SRRT: variants seen among roughly 807,000 people sequenced by gnomAD.
The protein encoded by SRRT is serrate RNA effector molecule homolog.
SRRT carries 32 observed loss-of-function variants against 103.2 expected under a neutral mutation model. That is an observed-to-expected ratio of 0.31 (90% confidence interval 0.23 to 0.42). The LOEUF is 0.42. Ranked by LOEUF, SRRT falls within the 10% of genes least tolerant of loss-of-function variation. The probability of loss-of-function intolerance (pLI) is 1.00; values close to 1 mark genes in which losing one functional copy is unlikely to be tolerated. For synonymous variants in SRRT, 525 were observed against 449.0 expected (o/e 1.17, Z -2.14); for missense variants, 986 against 1,207.5 (o/e 0.82, Z 2.72).
Position 100,884,732 on chromosome 7 carries a change from T to TA in SRRT, c.943-7dup. The TA allele has an allele frequency of 6.2e-7, 1 of 1,613,450 alleles. No individual in the cohort carries two copies. Among genetic ancestry groups the TA allele is most frequent in the Non-Finnish European group, 8.5e-7 (1 of 1,179,564 alleles). On this transcript the variant is annotated splice_polypyrimidine_tract_variant and splice_region_variant and intron_variant, in intron 7 of 19. Transcript: ENST00000611405. ...TTTGACATCCCCAGTGGTTGTCTCT[T>TA]ACCATAGGCTGAGAATGACAGTTCT... is the stretch of plus-strand genomic sequence containing the variant.
At chr7:100,883,941 C>G (rs1257479684) in intron 5 of SRRT, 129 bp from the exon 6 acceptor site, 1 of 1,037,644 alleles carries the variant, frequency 9.6e-7, no homozygotes, top group East Asian at 2.6e-5. Flanking sequence ...CTTAATCTCT[C>G]TATTTTGATG....
At position 100,887,030 on chromosome 7, in the gene SRRT, G is replaced by C. The variant is rs370051555; in HGVS notation, c.1822-17G>C. On this transcript the variant is annotated splice_polypyrimidine_tract_variant and intron_variant, in intron 14 of 19. Coordinates refer to ENST00000611405, the MANE Select transcript of SRRT (RefSeq NM_015908.6). This position sits in a 1 kb window ranked among gnomAD's most constrained non-coding sequence, Gnocchi z 4.1. Reference sequence around the variant, plus strand: ...CGGTGAGGGCAGGAGCTGAACGCTCGCATTCACTTCCCTTAGGTCTTGGAC... The same window carrying C: ...CGGTGAGGGCAGGAGCTGAACGCTCCCATTCACTTCCCTTAGGTCTTGGAC... 3.7e-5 allele frequency: 59 copies of C among 1,613,250 alleles called. No individual in the cohort carries two copies. In the African/African-American group the frequency reaches 7.2e-4, roughly 20 times the overall value.
chr7:100,877,579 T>TG (rs1815870612), intron 2 of SRRT, among the ~76,000 whole-genome samples: 1 of 151,448 alleles, frequency 6.6e-6, no homozygotes, highest in African/African-American at 2.4e-5. Context: ...TGGAGTGCAG[T>TG]GGGGCGATCT....
intron 2 of SRRT, among the ~76,000 whole-genome samples, chr7:100,878,309 CAA>C (rs796835566): frequency 6.6e-5 from 8 of 121,654 alleles, no homozygotes; most frequent in Admixed American, 8.4e-5. Context: ...GATACCCTGT[CAA>C]AAAAAAAAAA....
intron 6 of SRRT, 30 bp downstream of exon 6, chr7:100,884,269 C>A: frequency 6.2e-7 from 1 of 1,613,872 alleles, no homozygotes; most frequent in Non-Finnish European, 8.5e-7. Flanking sequence ...TGGCAGGCAT[C>A]TGGGCCCCAT....
chr7:100,882,044 C>G lies in SRRT; in HGVS notation c.399-9C>G. ...AAAACCAAGCCTTCCTGACCGGGGT[C>G]CCCTCCAGGCTGGGCAGCATTGCAG... is the stretch of plus-strand genomic sequence containing the variant. On this transcript the variant is annotated splice_polypyrimidine_tract_variant and intron_variant, in intron 4 of 19. Transcript: ENST00000611405. This position sits in a 1 kb window ranked among gnomAD's most constrained non-coding sequence, Gnocchi z 4.2. 1 of 1,608,308 alleles carries G rather than the reference C, an allele frequency of 6.2e-7. No homozygotes were observed. Among genetic ancestry groups the G allele is most frequent in the Non-Finnish European group, 8.5e-7 (1 of 1,177,462 alleles).
rs1384112887 is a variant in SRRT at position 100,887,834 on chromosome 7, A to T, written c.2301A>T (p.Pro767=). ...GCCCAGCTCTGCCTGAGATCAAGCCAGCCCAGCCACCTGGCCCCGCCCAGA... is the reference window on the plus strand; with the variant it reads ...GCCCAGCTCTGCCTGAGATCAAGCCTGCCCAGCCACCTGGCCCCGCCCAGA... The part of the protein sequence containing the change: ...AKRPALPEIK[P]AQPPGPAQIL... Residue 767 remains proline (P), a synonymous_variant, in exon 17 of 20, where the codon CCA becomes CCT. Coordinates refer to ENST00000611405, the MANE Select transcript of SRRT (RefSeq NM_015908.6). The surrounding 1 kb of genome is among the most constrained non-coding windows in gnomAD (Gnocchi z 4.1). The T allele has an allele frequency of 1.1e-5, 18 of 1,607,388 alleles. No homozygotes were observed. In the South Asian group the frequency reaches 1.3e-4, roughly 12 times the overall value.
intron 2 of SRRT, among the ~76,000 whole-genome samples, chr7:100,879,350 C>T (rs1388227646): frequency 1.3e-5 from 2 of 151,952 alleles, no homozygotes; most frequent in South Asian, 2.1e-4. Flanking sequence ...TCCACTGCTT[C>T]GGCCTCCCAA....
rs201817694 is a variant in SRRT at position 100,886,306 on chromosome 7, C to T, written c.1518C>T (p.Asn506=). The change falls in exon 13 of 20, where the codon AAC becomes AAT. Residue 506 remains asparagine (N), a synonymous_variant. Coordinates refer to ENST00000611405, the MANE Select transcript of SRRT (RefSeq NM_015908.6). ...VNRDLTRRVR[N]INGITQHKQI... is the part of the protein sequence containing the mutation. ...GGGACCTGACCCGGCGCGTTCGCAA[C>T]ATCAACGGCATCACCCAGCACAAGC... 1.2e-6 allele frequency: 2 copies of T among 1,613,642 alleles called. No individual in the cohort carries two copies. The highest frequency in any genetic ancestry group is 1.3e-5 in the African/African-American group (1 of 75,016).
chr7:100,884,202 A>C lies in SRRT; in HGVS notation c.720A>C (p.Ile240=), dbSNP rs112840274. The part of the protein sequence containing the change: ...TGWFDNLLLD[I]DKADAIVKML... ...GGTTTGATAACCTTCTCCTGGACAT[A>C]GACAAAGCTGATGCCATTGTCAAGA... is the stretch of plus-strand genomic sequence containing the variant. The change falls in exon 6 of 20, where the codon ATA becomes ATC. Residue 240 remains isoleucine (I), a synonymous_variant. Coordinates refer to ENST00000611405, the MANE Select transcript of SRRT (RefSeq NM_015908.6). 2,495 of 1,614,094 alleles carry C rather than the reference A, an allele frequency of 1.5e-3. 25 individuals carry two copies. The African/African-American group carries it at 0.028, about 18-fold the overall frequency.
chr7:100,884,267 A>T, intron 6 of SRRT, 28 bp downstream of exon 6: 1 of 1,613,854 alleles, frequency 6.2e-7, no homozygotes, highest in Non-Finnish European at 8.5e-7. Context: ...GGTGGCAGGC[A>T]TCTGGGCCCC....
chr7:100,881,508 C>T, intron 3 of SRRT, 95 bp downstream of exon 3: 1 of 1,564,284 alleles, frequency 6.4e-7, no homozygotes, highest in African/African-American at 1.4e-5. Context: ...TTTGTCATTT[C>T]CTTTTCTCAA....
chr7:100,881,393 G>A lies in SRRT; in HGVS notation c.231G>A (p.Gln77=), dbSNP rs761749185. The change falls in exon 3 of 20, where the codon CAG becomes CAA. Residue 77 remains glutamine (Q), a synonymous_variant. Coordinates refer to ENST00000611405, the MANE Select transcript of SRRT (RefSeq NM_015908.6). ...SPPRHELSPP[Q]KRMRRDWDEH... Reference sequence around the variant, plus strand: ...CTCGCCACGAACTCAGCCCGCCACAGAAGCGCATGAGGAGAGACTGGTGAG... The same window carrying A: ...CTCGCCACGAACTCAGCCCGCCACAAAAGCGCATGAGGAGAGACTGGTGAG... 5.6e-6 allele frequency: 9 copies of A among 1,613,596 alleles called. No homozygotes were observed. The Admixed American group carries it at 1.5e-4, about 27-fold the overall frequency.
At position 100,887,880 on chromosome 7, in the gene SRRT, G is replaced by T. The variant is rs144446771; in HGVS notation, c.2326+21G>T. On this transcript the variant is annotated intron_variant, in intron 17 of 19. Coordinates refer to ENST00000611405, the MANE Select transcript of SRRT (RefSeq NM_015908.6). This position sits in a 1 kb window ranked among gnomAD's most constrained non-coding sequence, Gnocchi z 4.1. Reference sequence around the variant, plus strand: ...CCAGAGTAAGATACGATCCATGAAGGTCGCATGTGCCCTCTTCCTTGACTA... The same window carrying T: ...CCAGAGTAAGATACGATCCATGAAGTTCGCATGTGCCCTCTTCCTTGACTA... The T allele has an allele frequency of 6.4e-4, 1,017 of 1,590,650 alleles. 6 individuals are homozygous for T. In the African/African-American group the frequency reaches 0.012, roughly 19 times the overall value.
intron 12 of SRRT, 95 bp from the exon 13 acceptor site, chr7:100,886,152 A>G: frequency 7.0e-7 from 1 of 1,429,630 alleles, no homozygotes; most frequent in Admixed American, 2.0e-5. Flanking sequence ...CAGTCTGATC[A>G]ATCGCTGGTG....
chr7:100,875,960 G>T lies in SRRT; in HGVS notation c.122+248G>T, dbSNP rs970508805. On this transcript the variant is annotated intron_variant, in intron 2 of 19. Coordinates refer to ENST00000611405, the MANE Select transcript of SRRT (RefSeq NM_015908.6). ...GTATGAAGAAGCACTGTTTATACAT[G>T]CACGAAAAGCGTGCTTTTTTGCTTT... The T allele has an allele frequency of 1.7e-4, 76 of 436,444 alleles. 1 individual carries two copies. Among genetic ancestry groups the T allele is most frequent in the South Asian group, 1.6e-3 (69 of 42,846 alleles). The allele number at this position is 436,444 out of a possible 1,614,324, so 27.0% of individuals were successfully genotyped here.
Position 100,888,279 on chromosome 7 carries a change from C to G in SRRT, c.2451C>G (p.Val817=). 6.2e-7 allele frequency: 1 copy of G among 1,611,282 alleles called. No individual in the cohort carries two copies. The highest frequency in any genetic ancestry group is 8.5e-7 in the Non-Finnish European group (1 of 1,177,762). Residue 817 remains valine, a synonymous_variant, in exon 19 of 20, where the codon GTC becomes GTG. Coordinates refer to ENST00000611405, the MANE Select transcript of SRRT (RefSeq NM_015908.6). ...TAGCTGGTGCTGTCCGCCCTGCAGT[C>G]CCCACAGGAGGCCCTCCATACCCCC... ...GYGAGAVRPA[V]PTGGPPYPHA...
intron 6 of SRRT, 23 bp downstream of exon 6, chr7:100,884,262 C>T (rs1789861281): frequency 6.2e-7 from 1 of 1,613,816 alleles, no homozygotes; most frequent in Admixed American, 1.7e-5. Flanking sequence ...GGAGGGGTGG[C>T]AGGCATCTGG....
intron 2 of SRRT, among the ~76,000 whole-genome samples, chr7:100,879,761 GTGAT>G (rs968256924): frequency 2.7e-5 from 4 of 150,740 alleles, no homozygotes; most frequent in Admixed American, 2.0e-4. Context: ...TGAGCCGAGA[GTGAT>G]TGTGCTGCTG....
Sources: allele counts gnomAD v4.1 joint callset (sites outside exome capture counted in the v4.1 genomes callset), GRCh38; gene constraint gnomAD v4.1.1; non-coding constraint Gnocchi (gnomAD v3.1); transcripts MANE v1.5; gene names NCBI Gene and HGNC (gene_info 2026-07-23, HGNC 2026-07-21).